ROBO2: variants seen among roughly 807,000 people sequenced by gnomAD.
The protein encoded by ROBO2 is roundabout guidance receptor 2.
ROBO2 carries 53 observed loss-of-function variants against 160.8 expected under a neutral mutation model. That is an observed-to-expected ratio of 0.33 (90% confidence interval 0.26 to 0.41). ROBO2 has a LOEUF of 0.41. ROBO2 is among the 10% of genes least tolerant of loss of function. The probability of loss-of-function intolerance (pLI) is 1.00; values close to 1 mark genes in which losing one functional copy is unlikely to be tolerated. For synonymous variants in ROBO2, 664 were observed against 611.7 expected, an observed-to-expected ratio of 1.09 and a Z score of -1.26; for missense variants, 1,577 against 1,722.4, an observed-to-expected ratio of 0.92 and a Z score of 1.49.
chr3:76,320,202 A>G (rs1013043362), intron 2 of ROBO2, among the ~76,000 whole-genome samples: 2 of 152,166 alleles, frequency 1.3e-5, no homozygotes, highest in African/African-American at 4.8e-5. Context: ...AACTTTATGT[A>G]CCTTTAGCAA....
At chr3:76,366,731 A>C (rs1472472501) in intron 2 of ROBO2, among the ~76,000 whole-genome samples, 1 of 152,042 alleles carries the variant, frequency 6.6e-6, no homozygotes, top group African/African-American at 2.4e-5. Context: ...TAAACCATAC[A>C]CCAAAAAGAT....
At chr3:77,391,157 C>T (rs1182409909) in intron 2 of ROBO2, among the ~76,000 whole-genome samples, 1 of 151,904 alleles carries the variant, frequency 6.6e-6, no homozygotes, top group Admixed American at 6.6e-5. Flanking sequence ...TTTACAATGC[C>T]AAGTATTGTA....
chr3:76,183,194 C>T (rs188808924), intron 2 of ROBO2, among the ~76,000 whole-genome samples: 53 of 152,230 alleles, frequency 3.5e-4, no homozygotes, highest in African/African-American at 1.0e-3. Flanking sequence ...TCTAGGACAG[C>T]AGTCTTAGGA....
At chr3:77,271,365 C>T (rs922225497) in intron 2 of ROBO2, among the ~76,000 whole-genome samples, 2 of 152,142 alleles carry the variant, frequency 1.3e-5, no homozygotes, top group African/African-American at 4.8e-5. Context: ...TTGAAAGGTA[C>T]AGTGTATTTT....
At chr3:76,120,536 T>C (rs188510297) in intron 2 of ROBO2, among the ~76,000 whole-genome samples, 43 of 152,328 alleles carry the variant, frequency 2.8e-4, no homozygotes, top group African/African-American at 9.1e-4. Flanking sequence ...TCATGTACTT[T>C]TAAATTCTCA....
chr3:77,066,981 A>C (rs1578677283), intron 1 of ROBO2, among the ~76,000 whole-genome samples: 1 of 144,404 alleles, frequency 6.9e-6, no homozygotes, highest in Non-Finnish European at 1.5e-5. Flanking sequence ...TCCCCCCTCC[A>C]CCCCTGCAAC....
chr3:77,018,002 A>G (rs1220153034), intron 2 of ROBO2, among the ~76,000 whole-genome samples: 1 of 152,212 alleles, frequency 6.6e-6, no homozygotes, highest in Non-Finnish European at 1.5e-5. Flanking sequence ...TGGAAAGCCT[A>G]TCCCAAATCT....
intron 2 of ROBO2, 24 bp downstream of exon 2, chr3:77,098,364 T>A: frequency 6.2e-7 from 1 of 1,608,340 alleles, no homozygotes; most frequent in Non-Finnish European, 8.5e-7. Context: ...ATGAACCTCA[T>A]GTGCACATTT....
chr3:76,395,580 C>T (rs2077394756), intron 2 of ROBO2, among the ~76,000 whole-genome samples: 1 of 150,438 alleles, frequency 6.6e-6, no homozygotes, highest in Non-Finnish European at 1.5e-5. Context: ...GCTAGCAAGA[C>T]TAATAAAGAA....
At chr3:77,496,785 A>T (rs2086845554) in intron 5 of ROBO2, among the ~76,000 whole-genome samples, 1 of 152,106 alleles carries the variant, frequency 6.6e-6, no homozygotes, top group African/African-American at 2.4e-5. Flanking sequence ...AGCTATTAAA[A>T]CCTTCAACAC....
chr3:77,481,251 T>C (rs372782682), intron 4 of ROBO2, 32 bp downstream of exon 4: 1 of 1,474,502 alleles, frequency 6.8e-7, no homozygotes. Flanking sequence ...TAAATTTTTA[T>C]TTTTATCAAT....
chr3:76,472,115 G>A (rs1438117307), intron 2 of ROBO2, among the ~76,000 whole-genome samples: 1 of 149,238 alleles, frequency 6.7e-6, no homozygotes, highest in Non-Finnish European at 1.5e-5. Flanking sequence ...GTGTGCGTGC[G>A]CATGTGTATC....
intron 2 of ROBO2, among the ~76,000 whole-genome samples, chr3:77,287,088 G>A (rs1378117095): frequency 1.3e-5 from 2 of 152,142 alleles, no homozygotes; most frequent in Admixed American, 1.3e-4. Flanking sequence ...TACATCTGGA[G>A]TTCATAAGCC....
intron 2 of ROBO2, among the ~76,000 whole-genome samples, chr3:76,197,866 G>C (rs371247080): frequency 3.3e-5 from 5 of 152,106 alleles, no homozygotes; most frequent in Admixed American, 6.6e-5. Flanking sequence ...TTTTGCAAAG[G>C]GTGAGAAAAT....
chr3:77,232,907 G>A (rs2151296841), intron 2 of ROBO2, among the ~76,000 whole-genome samples: 1 of 152,070 alleles, frequency 6.6e-6, no homozygotes, highest in East Asian at 1.9e-4. Flanking sequence ...AATGTTTCTG[G>A]GTTTAAGCCT....
In ROBO2 at chr3:76,526,357, T is replaced by C. The variant is rs567820743; in HGVS notation, c.110-571657T>C. Reference sequence around the variant, plus strand: ...ACCCCTTTAATTAAGTTTAGCTTCATTGACTAGCAAGGTGTAGTATGTTTC... The same window carrying C: ...ACCCCTTTAATTAAGTTTAGCTTCACTGACTAGCAAGGTGTAGTATGTTTC... On this transcript the variant is annotated intron_variant, in intron 2 of 26. Transcript: ENST00000487694. 8.5e-5 allele frequency among the ~76,000 whole-genome samples: 13 copies of C among 152,212 alleles called. No individual in the cohort carries two copies. In the South Asian group the frequency reaches 2.7e-3, roughly 32 times the overall value.
intron 2 of ROBO2, among the ~76,000 whole-genome samples, chr3:77,014,531 A>T (rs2062116833): frequency 6.6e-6 from 1 of 152,186 alleles, no homozygotes; most frequent in Non-Finnish European, 1.5e-5. Context: ...ACTTTCTAAG[A>T]TGCAAGACCC....
chr3:77,437,566 T>C (rs1351502332), intron 2 of ROBO2, among the ~76,000 whole-genome samples: 1 of 152,002 alleles, frequency 6.6e-6, no homozygotes, highest in Non-Finnish European at 1.5e-5. Flanking sequence ...ATTTTTCTTA[T>C]AGTTATATTA....
chr3:77,599,561 T>A (rs2094389686), intron 19 of ROBO2, among the ~76,000 whole-genome samples: 1 of 151,346 alleles, frequency 6.6e-6, no homozygotes. Context: ...GACGAGTTAA[T>A]GGGTGCAGCA....
Sources: allele counts gnomAD v4.1 joint callset (sites outside exome capture counted in the v4.1 genomes callset), GRCh38; gene constraint gnomAD v4.1.1; transcripts MANE v1.5; gene names NCBI Gene and HGNC (gene_info 2026-07-23, HGNC 2026-07-21).